Variants in PFKP observed in about 807,000 individuals in gnomAD.
PFKP encodes ATP-dependent 6-phosphofructokinase, platelet type.
PFKP carries 101 observed loss-of-function variants against 94.3 expected under a neutral mutation model. The observed-to-expected ratio is 1.07, with a 90% CI of 0.91 to 1.26. PFKP has a LOEUF of 1.26. Ranked by LOEUF, PFKP falls within the 50% of genes most tolerant of loss-of-function variation. The pLI is 0.00. For synonymous variants in PFKP, 573 were observed against 432.6 expected (o/e 1.32, Z -4.03); for missense variants, 1,145 against 1,103.3 (o/e 1.04, Z -0.53).
At chr10:3,114,442 G>C (rs1418730604) in intron 13 of PFKP, among the ~76,000 whole-genome samples, 1 of 152,224 alleles carries the variant, frequency 6.6e-6, no homozygotes, top group East Asian at 1.9e-4. Flanking sequence ...GACCCACCGT[G>C]CCCAGCCTCC....
intron 2 of PFKP, among the ~76,000 whole-genome samples, chr10:3,096,022 C>T (rs1032972326): frequency 2.6e-5 from 4 of 152,174 alleles, no homozygotes; most frequent in Non-Finnish European, 5.9e-5. Context: ...TTTCAGAGAA[C>T]ATTTTACTTT....
chr10:3,133,354 C>A, intron 19 of PFKP, 40 bp downstream of exon 19: 2 of 1,208,330 alleles, frequency 1.7e-6, no homozygotes, highest in Non-Finnish European at 2.5e-6. Flanking sequence ...AAGCCCCTGT[C>A]ATGTGACTTT....
Position 3,123,206 on chromosome 10 carries a change from C to G in PFKP, c.1683+3162C>G, listed in dbSNP as rs79585954. On this transcript the variant is annotated intron_variant, in intron 16 of 21. Coordinates refer to ENST00000381125, the MANE Select transcript of PFKP (RefSeq NM_002627.5). ...GGAGTTTCAGTCCGACCCTTTCATT[C>G]CTTAGCACTGGCCCATTACTCCGTC... is the stretch of plus-strand genomic sequence containing the variant. Among the ~76,000 whole-genome samples the G allele has an allele frequency of 2.4e-3, 372 of 152,300 alleles. 1 individual carries two copies. The highest frequency in any genetic ancestry group is 8.3e-3 in the African/African-American group (344 of 41,566).
intron 13 of PFKP, 66 bp downstream of exon 13, chr10:3,113,584 G>C (rs188124319): frequency 4.2e-6 from 6 of 1,423,844 alleles, no homozygotes; most frequent in African/African-American, 2.8e-5. Context: ...ACGTGGCGGC[G>C]GGGGGGTGCC....
In PFKP at chr10:3,101,520, G is replaced by A; in HGVS notation, c.420G>A (p.Glu140=). 1 of 1,579,246 alleles carries A rather than the reference G, an allele frequency of 6.3e-7. No homozygotes were observed. The highest frequency in any genetic ancestry group is 8.6e-7 in the Non-Finnish European group (1 of 1,161,242). ...CCGGGGCCAACCTCTTCCGGAAGGAGTGGAGTGGGCTGCTGGAGGAGCTGG... is the reference window on the plus strand; with the variant it reads ...CCGGGGCCAACCTCTTCCGGAAGGAATGGAGTGGGCTGCTGGAGGAGCTGG... ...SLTGANLFRK[E]WSGLLEELAR... is the part of the protein sequence containing the mutation. The change falls in exon 4 of 22, where the codon GAG becomes GAA. Residue 140 remains glutamate, a synonymous_variant. Transcript: ENST00000381125.
chr10:3,116,636 G>A (rs911422865), intron 13 of PFKP, 140 bp from the exon 14 acceptor site: 9 of 683,180 alleles, frequency 1.3e-5, no homozygotes, highest in South Asian at 3.3e-5. Context: ...TCCGGGCATC[G>A]TGATAAATGC....
At position 3,132,548 on chromosome 10, in the gene PFKP, G is replaced by A. The variant is rs952782742; in HGVS notation, c.1910+107G>A. 15 of 786,458 alleles carry A rather than the reference G, an allele frequency of 1.9e-5. No homozygotes were observed. In the East Asian group the frequency reaches 3.7e-4, roughly 20 times the overall value. 48.7% of individuals were successfully genotyped at this position (786,458 alleles called of 1,614,324 possible). The stretch of plus-strand genomic sequence containing the variant: ...ATGAGTGGTCATTTCTTTGCCGCTA[G>A]AGTGCACTACACACACTGAGCAGGT... On this transcript the variant is annotated intron_variant, in intron 18 of 21. Transcript: ENST00000381125.
intron 10 of PFKP, among the ~76,000 whole-genome samples, chr10:3,110,155 T>C (rs1021043597): frequency 6.6e-6 from 1 of 152,148 alleles, no homozygotes; most frequent in Non-Finnish European, 1.5e-5. Flanking sequence ...ATTGGTTCAG[T>C]AGTGGAGGTG....
At chr10:3,095,322 C>T (rs1007060544) in intron 2 of PFKP, among the ~76,000 whole-genome samples, 8 of 105,456 alleles carry the variant, frequency 7.6e-5, no homozygotes, top group African/African-American at 2.2e-4. Flanking sequence ...GTCAAAACCA[C>T]CTCTACATAT....
chr10:3,077,322 C>T (rs1362602847), intron 1 of PFKP, among the ~76,000 whole-genome samples: 3 of 125,528 alleles, frequency 2.4e-5, no homozygotes, highest in South Asian at 5.1e-4. Flanking sequence ...AGTGTAGTGG[C>T]GCAATCTCGG....
At chr10:3,130,110 C>A in intron 17 of PFKP, 127 bp downstream of exon 17, 1 of 807,102 alleles carries the variant, frequency 1.2e-6, no homozygotes, top group Non-Finnish European at 1.9e-6. Context: ...CAGAACATGC[C>A]ACGCTTGATA....
intron 13 of PFKP, among the ~76,000 whole-genome samples, chr10:3,116,457 C>T (rs1047561395): frequency 3.3e-5 from 5 of 152,160 alleles, no homozygotes; most frequent in African/African-American, 9.7e-5. Flanking sequence ...ACTTAGAAAC[C>T]ATCATGTTAC....
chr10:3,107,662 G>A, intron 8 of PFKP: 1 of 837,450 alleles, frequency 1.2e-6, no homozygotes, highest in Non-Finnish European at 1.4e-6. Flanking sequence ...AGCCGACCCG[G>A]GCTTCTGTTT....
At chr10:3,093,714 G>A in intron 2 of PFKP, among the ~76,000 whole-genome samples, 1 of 134,818 alleles carries the variant, frequency 7.4e-6, no homozygotes, top group East Asian at 2.1e-4. Flanking sequence ...CGCAATCTCA[G>A]CTCACTGCAA....
At chr10:3,096,295 G>A (rs962918716) in intron 2 of PFKP, among the ~76,000 whole-genome samples, 2 of 152,108 alleles carry the variant, frequency 1.3e-5, no homozygotes, top group African/African-American at 2.4e-5. Context: ...GGCCTGAGAC[G>A]GCCTCAGGAT....
chr10:3,073,742 G>T (rs76235260), intron 1 of PFKP, among the ~76,000 whole-genome samples: 4,151 of 149,614 alleles, frequency 0.028, 211 homozygotes, highest in African/African-American at 0.097. Flanking sequence ...AGGGTGGCAT[G>T]CAGTAGCCTC....
intron 16 of PFKP, among the ~76,000 whole-genome samples, chr10:3,128,799 G>C (rs150868411): frequency 1.3e-5 from 2 of 152,208 alleles, no homozygotes; most frequent in Admixed American, 1.3e-4. Flanking sequence ...CCAGGGATTA[G>C]GGATAGGACT....
chr10:3,086,676 G>C (rs764412093), intron 2 of PFKP, among the ~76,000 whole-genome samples: 1 of 152,056 alleles, frequency 6.6e-6, no homozygotes, highest in African/African-American at 2.4e-5. Context: ...TGTTTGGTTT[G>C]AATGTTGTTA....
chr10:3,136,495 C>G lies in PFKP; in HGVS notation c.2271C>G (p.Leu757=). The stretch of plus-strand genomic sequence containing the variant: ...AGTGGTGGCTCAAGCTACGGCCCCT[C>G]ATGAAAATCCTGGCCAAGTACAAGG... ...KEQWWLKLRP[L]MKILAKYKAS... The change falls in exon 22 of 22, where the codon CTC becomes CTG. Residue 757 remains leucine, a synonymous_variant. Transcript: ENST00000381125. 3.1e-6 allele frequency: 5 copies of G among 1,613,688 alleles called. No individual in the cohort carries two copies. In the East Asian group the frequency reaches 1.1e-4, roughly 36 times the overall value.
Sources: gnomAD v4.1 joint callset for allele counts (sites outside exome capture counted in the v4.1 genomes callset) on GRCh38, gnomAD v4.1.1 for gene constraint, MANE v1.5 for transcripts, NCBI Gene and HGNC (gene_info 2026-07-23, HGNC 2026-07-21) for gene names.